Variants in SV2B observed in about 807,000 individuals in gnomAD.
SV2B encodes solute carrier family 22 member B2.
Under a neutral mutation model 73.9 loss-of-function variants are expected in SV2B, and 41 were observed. The observed-to-expected ratio is 0.56, with a 90% CI of 0.43 to 0.72. The LOEUF is 0.72. SV2B is among the 30% of genes least tolerant of loss of function. The pLI is 0.00. For missense variants in SV2B, 764 were observed against 857.8 expected (o/e 0.89, Z 1.37); for synonymous variants, 314 against 314.2 (o/e 1.00, Z 0.01).
In SV2B at chr15:91,214,588, G is replaced by A. The variant is rs1294062253; in HGVS notation, c.-391-11285G>A. ...CACAGAACTTGCGAATGGCAGAGCT[G>A]GTATCTGTAAAGAAATGCAGTGGGC... On this transcript the variant is annotated intron_variant, in intron 1 of 12. Coordinates refer to ENST00000394232, the MANE Select transcript of SV2B (RefSeq NM_001323032.3). The surrounding 1 kb of genome is among the most constrained non-coding windows in gnomAD (Gnocchi z 4.7). Among the ~76,000 whole-genome samples, 2 of 152,170 alleles carry A rather than the reference G, an allele frequency of 1.3e-5. No individual in the cohort carries two copies. The highest frequency in any genetic ancestry group is 2.4e-5 in the African/African-American group (1 of 41,442).
chr15:91,157,516 T>C (rs144493142), intron 1 of SV2B, among the ~76,000 whole-genome samples: 1 of 152,224 alleles, frequency 6.6e-6, no homozygotes, highest in Non-Finnish European at 1.5e-5. Context: ...GCTCTCTCGA[T>C]AAAAAATAAT....
chr15:91,161,413 C>T (rs1049181946), intron 1 of SV2B, among the ~76,000 whole-genome samples: 6 of 151,778 alleles, frequency 4.0e-5, no homozygotes, highest in South Asian at 2.1e-4. Flanking sequence ...AAAAACAGGT[C>T]GTTAAGAAAA....
chr15:91,138,637 T>A (rs755245123), intron 1 of SV2B, among the ~76,000 whole-genome samples: 1 of 152,154 alleles, frequency 6.6e-6, no homozygotes, highest in Non-Finnish European at 1.5e-5. Flanking sequence ...CAAAACAATA[T>A]AGTATAGCAA....
intron 1 of SV2B, among the ~76,000 whole-genome samples, chr15:91,190,880 A>G (rs7183407): frequency 0.052 from 7,861 of 151,874 alleles, 691 homozygotes; most frequent in African/African-American, 0.18. Context: ...AGTTTTATCA[A>G]TGCTGCTTTG....
At chr15:91,219,383 A>C (rs187109001) in intron 1 of SV2B, among the ~76,000 whole-genome samples, 2 of 152,266 alleles carry the variant, frequency 1.3e-5, no homozygotes, top group South Asian at 2.1e-4. Flanking sequence ...TCCAATAGGA[A>C]GCTCTTGGTC....
chr15:91,216,962 A>C (rs2046052622), intron 1 of SV2B, among the ~76,000 whole-genome samples: 1 of 138,586 alleles, frequency 7.2e-6, no homozygotes, highest in Non-Finnish European at 1.5e-5. Context: ...ATCTCAGCTC[A>C]CTGCAACCTC....
At chr15:91,181,142 G>T (rs866079614) in intron 1 of SV2B, among the ~76,000 whole-genome samples, 8 of 152,204 alleles carry the variant, frequency 5.3e-5, no homozygotes, top group African/African-American at 1.9e-4. Flanking sequence ...GTCTGTTGGA[G>T]TTTGCCAGAG....
chr15:91,275,086 T>C (rs2048440511), intron 9 of SV2B, among the ~76,000 whole-genome samples: 1 of 152,182 alleles, frequency 6.6e-6, no homozygotes, highest in South Asian at 2.1e-4. Context: ...AAACTGACTC[T>C]CTTTATTTTT....
At position 91,213,907 on chromosome 15, in the gene SV2B, C is replaced by G. The variant is rs371889210; in HGVS notation, c.-391-11966C>G. On this transcript the variant is annotated intron_variant, in intron 1 of 12. Coordinates refer to ENST00000394232, the MANE Select transcript of SV2B (RefSeq NM_001323032.3). ...GGAAGTGGTAGAGCTGTGCTGGCCCCCAAAAGGAGGCTTTTTCCTTGACAA... is the reference window on the plus strand; with the variant it reads ...GGAAGTGGTAGAGCTGTGCTGGCCCGCAAAAGGAGGCTTTTTCCTTGACAA... 2.0e-5 allele frequency among the ~76,000 whole-genome samples: 3 copies of G among 152,168 alleles called. No homozygotes were observed. The East Asian group carries it at 5.8e-4, about 29-fold the overall frequency.
intron 1 of SV2B, among the ~76,000 whole-genome samples, chr15:91,211,023 G>T (rs2045837336): frequency 6.6e-6 from 1 of 152,210 alleles, no homozygotes; most frequent in Non-Finnish European, 1.5e-5. Context: ...AGTGAAGTAA[G>T]GCCACACCCC....
rs2046974787 is a variant in SV2B at position 91,240,695 on chromosome 15, C to T, written c.452-11124C>T. On this transcript the variant is annotated intron_variant, in intron 2 of 12. Transcript: ENST00000394232. This position sits in a 1 kb window ranked among gnomAD's most constrained non-coding sequence, Gnocchi z 4.6. The stretch of plus-strand genomic sequence containing the variant: ...AGATCAGGACTAATTTCATTATGCT[C>T]TTTATCCCTGTATGTCAATCACCGT... Among the ~76,000 whole-genome samples the T allele has an allele frequency of 6.6e-6, 1 of 152,174 alleles. No homozygotes were observed.
At chr15:91,112,591 A>G (rs1022956224) in intron 1 of SV2B, among the ~76,000 whole-genome samples, 10 of 152,216 alleles carry the variant, frequency 6.6e-5, no homozygotes, top group African/African-American at 2.4e-4. Flanking sequence ...GAGAGAAGCA[A>G]GGGAATCAGG....
chr15:91,214,436 T>C lies in SV2B; in HGVS notation c.-391-11437T>C, dbSNP rs138963784. Reference sequence around the variant, plus strand: ...TGAGCTCTTTCTTGGTGATGGACACTGTGCCAAACATTTTGAAAATGTTAA... The same window carrying C: ...TGAGCTCTTTCTTGGTGATGGACACCGTGCCAAACATTTTGAAAATGTTAA... On this transcript the variant is annotated intron_variant, in intron 1 of 12. Coordinates refer to ENST00000394232, the MANE Select transcript of SV2B (RefSeq NM_001323032.3). The surrounding 1 kb of genome is among the most constrained non-coding windows in gnomAD (Gnocchi z 4.7). 5.2e-5 allele frequency among the ~76,000 whole-genome samples: 8 copies of C among 152,384 alleles called. No homozygotes were observed. In the East Asian group the frequency reaches 1.3e-3, roughly 26 times the overall value.
In SV2B at chr15:91,283,588, A is replaced by G. The variant is rs1418703237; in HGVS notation, c.1508-433A>G. Among the ~76,000 whole-genome samples, 1 of 151,706 alleles carries G rather than the reference A, an allele frequency of 6.6e-6. No homozygotes were observed. Among genetic ancestry groups the G allele is most frequent in the African/African-American group, 2.4e-5 (1 of 41,280 alleles). ...GTAGCTGGGACTACAGGCACACACCACCCCACCTAGCTAATTTAAAAGAAA... is the reference window on the plus strand; with the variant it reads ...GTAGCTGGGACTACAGGCACACACCGCCCCACCTAGCTAATTTAAAAGAAA... On this transcript the variant is annotated intron_variant, in intron 10 of 12. Coordinates refer to ENST00000394232, the MANE Select transcript of SV2B (RefSeq NM_001323032.3). The surrounding 1 kb of genome is among the most constrained non-coding windows in gnomAD (Gnocchi z 4.3).
chr15:91,237,960 T>C (rs866647075), intron 2 of SV2B, among the ~76,000 whole-genome samples: 13 of 152,216 alleles, frequency 8.5e-5, no homozygotes, highest in South Asian at 2.1e-4. Flanking sequence ...ATTTATGCAA[T>C]GAGGGGAGTG....
intron 12 of SV2B, among the ~76,000 whole-genome samples, chr15:91,292,098 A>G (rs1036496800): frequency 1.0e-5 from 1 of 99,132 alleles, no homozygotes; most frequent in South Asian, 2.5e-4. Flanking sequence ...GATATCTTTG[A>G]AAAAAAAACA....
At chr15:91,198,040 A>C (rs1452675384) in intron 1 of SV2B, among the ~76,000 whole-genome samples, 1 of 152,200 alleles carries the variant, frequency 6.6e-6, no homozygotes, top group Non-Finnish European at 1.5e-5. Flanking sequence ...GTCTCAAAAC[A>C]AACAAACAAA....
chr15:91,162,704 C>A (rs2043765278), intron 1 of SV2B, among the ~76,000 whole-genome samples: 1 of 152,182 alleles, frequency 6.6e-6, no homozygotes, highest in Non-Finnish European at 1.5e-5. Context: ...GAATTCAGCT[C>A]CTTGTGGTTG....
At chr15:91,286,125 C>CA in intron 11 of SV2B, among the ~76,000 whole-genome samples, 1 of 152,196 alleles carries the variant, frequency 6.6e-6, no homozygotes, top group Admixed American at 6.5e-5. Context: ...AGAGCTGAGA[C>CA]AGGACCTTCT....
Sources: gnomAD v4.1 joint callset for allele counts (sites outside exome capture counted in the v4.1 genomes callset) on GRCh38, gnomAD v4.1.1 for gene constraint, Gnocchi (gnomAD v3.1) non-coding constraint, MANE v1.5 for transcripts, NCBI Gene and HGNC (gene_info 2026-07-23, HGNC 2026-07-21) for gene names.